DGKB: variants seen among roughly 807,000 people sequenced by gnomAD.
DGKB encodes diacylglycerol kinase beta.
A neutral mutation model predicts 114.3 loss-of-function variants in DGKB; 67 were observed. The ratio of observed to expected loss-of-function variants is 0.59; its 90% CI spans 0.48 to 0.72. The LOEUF (loss-of-function observed/expected upper bound fraction) is 0.72. DGKB is among the 30% of genes least tolerant of loss of function. The pLI is 0.00. For synonymous variants in DGKB, 398 were observed against 323.1 expected (o/e 1.23, Z -2.49); for missense variants, 907 against 975.2 (o/e 0.93, Z 0.93).
intron 2 of DGKB, among the ~76,000 whole-genome samples, chr7:14,765,742 C>T (rs1176288139): frequency 2.0e-5 from 3 of 151,904 alleles, no homozygotes; most frequent in Admixed American, 6.6e-5. Flanking sequence ...AAAGAGTATA[C>T]TTGCCTTCGA....
At chr7:14,460,633 T>C (rs527328610) in intron 21 of DGKB, among the ~76,000 whole-genome samples, 17 of 152,124 alleles carry the variant, frequency 1.1e-4, no homozygotes, top group African/African-American at 3.9e-4. Context: ...CAAAGAGACT[T>C]AGACTCCCAC....
chr7:14,749,926 C>A (rs1387182714), intron 4 of DGKB, among the ~76,000 whole-genome samples: 8 of 152,170 alleles, frequency 5.3e-5, no homozygotes, highest in Admixed American at 5.2e-4. Flanking sequence ...TGCAAAACTT[C>A]TCTTTCCTGA....
intron 6 of DGKB, among the ~76,000 whole-genome samples, chr7:14,702,965 T>C (rs919991373): frequency 6.6e-6 from 1 of 152,232 alleles, no homozygotes; most frequent in African/African-American, 2.4e-5. Context: ...CAAATGTCTG[T>C]CTATTGACTT....
chr7:14,786,926 C>A (rs1839987064), intron 2 of DGKB, among the ~76,000 whole-genome samples: 1 of 152,204 alleles, frequency 6.6e-6, no homozygotes, highest in South Asian at 2.1e-4. Context: ...AGAAGAACTA[C>A]CCACTGTGGA....
At chr7:14,289,599 T>C (rs1375767713) in intron 23 of DGKB, among the ~76,000 whole-genome samples, 1 of 152,146 alleles carries the variant, frequency 6.6e-6, no homozygotes, top group Admixed American at 6.6e-5. Flanking sequence ...TATAAATTTC[T>C]ACCTAATTCA....
chr7:14,295,786 A>G (rs1334251892), intron 23 of DGKB, among the ~76,000 whole-genome samples: 1 of 152,080 alleles, frequency 6.6e-6, no homozygotes, highest in Non-Finnish European at 1.5e-5. Context: ...TACATGTGCC[A>G]TGGTGGTTTG....
intron 21 of DGKB, among the ~76,000 whole-genome samples, chr7:14,425,939 C>G (rs369489075): frequency 1.2e-4 from 18 of 152,114 alleles, no homozygotes; most frequent in Admixed American, 3.3e-4. Context: ...ACAATATTTT[C>G]ATTCAATTTT....
chr7:14,421,868 T>A (rs1161127900), intron 21 of DGKB, among the ~76,000 whole-genome samples: 1 of 151,990 alleles, frequency 6.6e-6, no homozygotes, highest in African/African-American at 2.4e-5. Flanking sequence ...AATATGGGGC[T>A]CAGAAGTATC....
chr7:14,843,393 G>C (rs1365226245), intron 1 of DGKB, among the ~76,000 whole-genome samples: 1 of 133,810 alleles, frequency 7.5e-6, no homozygotes, highest in African/African-American at 2.8e-5. Context: ...GGACTGCAGT[G>C]GCGCAATCTC....
intron 23 of DGKB, among the ~76,000 whole-genome samples, chr7:14,200,082 G>A (rs1344610902): frequency 6.6e-6 from 1 of 152,062 alleles, no homozygotes. Flanking sequence ...CCACTGCATA[G>A]AGGTCATTCT....
chr7:14,923,983 C>CAAAAAA lies in DGKB; in HGVS notation c.-188+50707_-188+50712dup, dbSNP rs56032330. ...TGGGCAACACAGTGAAGCTCCATCTCAAAAAAAAAAAAAAAAAAAAAGCTT... is the reference window on the plus strand; with the variant it reads ...TGGGCAACACAGTGAAGCTCCATCTCAAAAAAAAAAAAAAAAAAAAAAAAAAAGCTT... On this transcript the variant is annotated intron_variant, in intron 1 of 4. Transcript: ENST00000437998. Among the ~76,000 whole-genome samples, 12 of 76,180 alleles carry CAAAAAA rather than the reference C, an allele frequency of 1.6e-4. 1 individual carries two copies. The highest frequency in any genetic ancestry group is 8.0e-4 in the African/African-American group (11 of 13,688). 50.0% of individuals were successfully genotyped at this position (76,180 alleles called of 152,430 possible).
chr7:14,148,872 C>A lies in DGKB; in HGVS notation c.*259G>T. On this transcript the variant is annotated 3_prime_UTR_variant, in exon 26 of 26. Transcript: ENST00000402815. Reference sequence around the variant, plus strand: ...AGAGTTGGGTGGGAGATGTAAAAATCTATGGGAATGCATGCACCAAAAATA... The same window carrying A: ...AGAGTTGGGTGGGAGATGTAAAAATATATGGGAATGCATGCACCAAAAATA... The A allele has an allele frequency of 2.2e-6, 1 of 462,022 alleles. No individual in the cohort carries two copies. The highest frequency in any genetic ancestry group is 2.7e-5 in the South Asian group (1 of 37,188). The allele number at this position is 462,022 out of a possible 1,614,324, so 28.6% of individuals were successfully genotyped here.
chr7:14,214,388 T>A (rs1000124040), intron 23 of DGKB, among the ~76,000 whole-genome samples: 9 of 151,270 alleles, frequency 5.9e-5, no homozygotes, highest in South Asian at 2.1e-4. Flanking sequence ...TTCAAATTAA[T>A]GTTTTTTAAC....
At chr7:14,807,730 T>C (rs1366419921) in intron 2 of DGKB, among the ~76,000 whole-genome samples, 1 of 151,980 alleles carries the variant, frequency 6.6e-6, no homozygotes, top group Non-Finnish European at 1.5e-5. Context: ...CAACCAGACA[T>C]TTTATGGTAG....
chr7:14,819,576 T>G (rs1453357785), intron 2 of DGKB, among the ~76,000 whole-genome samples: 1 of 151,968 alleles, frequency 6.6e-6, no homozygotes, highest in Non-Finnish European at 1.5e-5. Flanking sequence ...GGTTACAGAG[T>G]GAGACACAGT....
intron 20 of DGKB, among the ~76,000 whole-genome samples, chr7:14,552,736 A>G (rs1218916282): frequency 6.6e-6 from 1 of 152,242 alleles, no homozygotes; most frequent in East Asian, 1.9e-4. Context: ...CTTTCTCTCC[A>G]CTAGGAAAAA....
intron 1 of DGKB, among the ~76,000 whole-genome samples, chr7:14,960,485 T>C (rs1786777979): frequency 6.6e-6 from 1 of 152,082 alleles, no homozygotes. Flanking sequence ...ACTGTATTTT[T>C]TTAAATAAAA....
At chr7:14,837,229 C>T (rs1428867915) in intron 2 of DGKB, among the ~76,000 whole-genome samples, 1 of 152,132 alleles carries the variant, frequency 6.6e-6, no homozygotes, top group Non-Finnish European at 1.5e-5. Context: ...TCCAAGAATA[C>T]TGTGCCAGTA....
At chr7:14,922,064 AAG>A (rs879390317) in intron 1 of DGKB, among the ~76,000 whole-genome samples, 4 of 152,170 alleles carry the variant, frequency 2.6e-5, no homozygotes, top group Admixed American at 6.5e-5. Flanking sequence ...GACTTCGACA[AAG>A]AGCGTCTTTC....
Sources: gnomAD v4.1 joint callset for allele counts (sites outside exome capture counted in the v4.1 genomes callset) on GRCh38, gnomAD v4.1.1 for gene constraint, MANE v1.5 for transcripts, NCBI Gene and HGNC (gene_info 2026-07-23, HGNC 2026-07-21) for gene names.